Variants in EMB observed in about 807,000 individuals in gnomAD.
EMB encodes the protein embigin homolog.
EMB carries 31 observed loss-of-function variants against 41.4 expected under a neutral mutation model. The observed-to-expected ratio is 0.75, with a 90% confidence interval of 0.56 to 1.01. EMB has a LOEUF of 1.01. Among genes scored for constraint, EMB ranks in the 50% least tolerant of loss-of-function variants. The pLI is 0.00. For missense variants in EMB, 379 were observed against 388.3 expected (o/e 0.98, Z 0.20); for synonymous variants, 137 against 140.4 (o/e 0.98, Z 0.17).
At chr5:50,425,036 T>A (rs762062020) in intron 2 of EMB, among the ~76,000 whole-genome samples, 4 of 152,180 alleles carry the variant, frequency 2.6e-5, no homozygotes, top group Non-Finnish European at 4.4e-5. Flanking sequence ...GTTTGATGAG[T>A]ACCTCTGAAA....
chr5:50,422,900 T>C (rs1409638900), intron 2 of EMB, among the ~76,000 whole-genome samples: 1 of 152,148 alleles, frequency 6.6e-6, no homozygotes, highest in African/African-American at 2.4e-5. Context: ...TATGTTAAAA[T>C]AAAGATGTGC....
At chr5:50,411,494 C>T (rs749578807) in intron 2 of EMB, 111 bp from the exon 3 acceptor site, 5 of 732,714 alleles carry the variant, frequency 6.8e-6, no homozygotes. Context: ...CTTAATGTAA[C>T]ATTCATTTGA....
chr5:50,427,034 T>A (rs1393324352), intron 2 of EMB, among the ~76,000 whole-genome samples: 1 of 152,134 alleles, frequency 6.6e-6, no homozygotes, highest in African/African-American at 2.4e-5. Context: ...ACCATGACTC[T>A]AAGACTAATT....
At chr5:50,416,746 T>C (rs182165471) in intron 2 of EMB, among the ~76,000 whole-genome samples, 111 of 152,152 alleles carry the variant, frequency 7.3e-4, no homozygotes, top group African/African-American at 2.4e-3. Context: ...CTGGACCAGA[T>C]TGAAGACTGA....
intron 2 of EMB, among the ~76,000 whole-genome samples, chr5:50,421,164 C>A (rs1745515468): frequency 1.3e-5 from 2 of 152,098 alleles, no homozygotes; most frequent in African/African-American, 2.4e-5. Flanking sequence ...GGTGAAGAAT[C>A]AGTCAAATTC....
chr5:50,432,750 T>TAAA (rs35639181), intron 1 of EMB, among the ~76,000 whole-genome samples: 6 of 98,956 alleles, frequency 6.1e-5, no homozygotes, highest in South Asian at 7.8e-4. Context: ...GAAAAACAAG[T>TAAA]AAAAAAAAAA....
intron 1 of EMB, among the ~76,000 whole-genome samples, chr5:50,440,765 T>C (rs1422414225): frequency 6.6e-6 from 1 of 152,032 alleles, no homozygotes; most frequent in Non-Finnish European, 1.5e-5. Context: ...GACTCTGCCC[T>C]GTTACCTACG....
In EMB at chr5:50,416,154, T is replaced by C. The variant is rs182442895; in HGVS notation, c.197-4771A>G. Among the ~76,000 whole-genome samples the C allele has an allele frequency of 8.5e-5, 13 of 152,332 alleles. No individual in the cohort carries two copies. In the East Asian group the frequency reaches 2.3e-3, roughly 27 times the overall value. On this transcript the variant is annotated intron_variant, in intron 2 of 8. Coordinates refer to ENST00000303221, the MANE Select transcript of EMB (RefSeq NM_198449.3). ...TCTACCTTTTTACATATTTTGTGGT[T>C]AGCCAACAAACTAATGTGAGCTCAG...
chr5:50,406,628 C>T (rs1315766989), intron 4 of EMB, among the ~76,000 whole-genome samples: 1 of 151,742 alleles, frequency 6.6e-6, no homozygotes, highest in Non-Finnish European at 1.5e-5. Flanking sequence ...TTCTGATTGA[C>T]CTTTAAAGAT....
intron 2 of EMB, among the ~76,000 whole-genome samples, chr5:50,423,750 G>A (rs1745564028): frequency 6.6e-6 from 1 of 152,096 alleles, no homozygotes; most frequent in Admixed American, 6.6e-5. Flanking sequence ...TGCAGGTAAT[G>A]TAAATTTGCA....
intron 2 of EMB, among the ~76,000 whole-genome samples, chr5:50,419,536 T>TACACAC (rs371940991): frequency 0.011 from 1,620 of 142,768 alleles, 25 homozygotes; most frequent in Admixed American, 0.045. Flanking sequence ...CCCCACTACA[T>TACACAC]ACACACACAC....
chr5:50,400,320 T>G (rs1745140453), intron 7 of EMB, among the ~76,000 whole-genome samples: 1 of 152,032 alleles, frequency 6.6e-6, no homozygotes, highest in Admixed American at 6.6e-5. Flanking sequence ...TGGTTCTTTT[T>G]CCACCCAAAG....
intron 4 of EMB, among the ~76,000 whole-genome samples, chr5:50,409,192 C>T (rs189884531): frequency 2.6e-5 from 4 of 152,180 alleles, no homozygotes; most frequent in East Asian, 1.9e-4. Flanking sequence ...AGAGGCCTTC[C>T]GTGTGAATAC....
At chr5:50,402,239 C>G in intron 7 of EMB, 47 bp downstream of exon 7, 3 of 1,568,036 alleles carry the variant, frequency 1.9e-6, no homozygotes, top group Non-Finnish European at 2.6e-6. Flanking sequence ...TTATGTTTCC[C>G]TGTATTTTAC....
chr5:50,414,230 C>T (rs1328575612), intron 2 of EMB, among the ~76,000 whole-genome samples: 1 of 152,014 alleles, frequency 6.6e-6, no homozygotes, highest in Non-Finnish European at 1.5e-5. Flanking sequence ...AATAATACAA[C>T]TCAAATAAAA....
rs565245366 is a variant in EMB at position 50,427,508 on chromosome 5, A to T, written c.196+636T>A. Among the ~76,000 whole-genome samples, 117 of 148,730 alleles carry T rather than the reference A, an allele frequency of 7.9e-4. 1 individual carries two copies. Among genetic ancestry groups the T allele is most frequent in the African/African-American group, 2.7e-3 (107 of 39,906 alleles). Reference sequence around the variant, plus strand: ...TGAAGACATTATTATTATTATTATTATATTATTATTATTATTATTTGACAG... The same window carrying T: ...TGAAGACATTATTATTATTATTATTTTATTATTATTATTATTATTTGACAG... On this transcript the variant is annotated intron_variant, in intron 2 of 8. Transcript: ENST00000303221.
At chr5:50,432,647 C>T (rs894376261) in intron 1 of EMB, among the ~76,000 whole-genome samples, 5 of 151,336 alleles carry the variant, frequency 3.3e-5, no homozygotes, top group African/African-American at 1.2e-4. Context: ...AGCCCTATCC[C>T]CTGTCCATAA....
At chr5:50,416,010 C>T (rs1745424441) in intron 2 of EMB, among the ~76,000 whole-genome samples, 1 of 152,202 alleles carries the variant, frequency 6.6e-6, no homozygotes, top group Non-Finnish European at 1.5e-5. Context: ...CCTCCAAGCC[C>T]TAATCGTTGT....
At chr5:50,401,048 A>C (rs1745153671) in intron 7 of EMB, among the ~76,000 whole-genome samples, 1 of 152,022 alleles carries the variant, frequency 6.6e-6, no homozygotes, top group Non-Finnish European at 1.5e-5. Flanking sequence ...GAAAAACGCC[A>C]ATACGTGGAA....
Sources: gnomAD v4.1 joint callset for allele counts (sites outside exome capture counted in the v4.1 genomes callset) on GRCh38, gnomAD v4.1.1 for gene constraint, MANE v1.5 for transcripts, NCBI Gene and HGNC (gene_info 2026-07-23, HGNC 2026-07-21) for gene names.